The following SLC9A2 variants were observed in gnomAD, a reference collection of about 807,000 sequenced individuals.
The protein encoded by SLC9A2 is sodium/hydrogen exchanger 2.
SLC9A2 carries 42 observed loss-of-function variants against 71.7 expected under a neutral mutation model. The observed-to-expected ratio is 0.59, with a 90% CI of 0.46 to 0.76. The LOEUF is 0.76. Among genes scored for constraint, SLC9A2 ranks in the 30% least tolerant of loss-of-function variants. The pLI is 0.00. For missense variants in SLC9A2, 829 were observed against 1,017.4 expected (o/e 0.81, Z 2.52); for synonymous variants, 396 against 392.5 (o/e 1.01, Z -0.10).
chr2:102,655,508 A>G (rs1006305862), intron 1 of SLC9A2, among the ~76,000 whole-genome samples: 1 of 152,060 alleles, frequency 6.6e-6, no homozygotes, highest in Non-Finnish European at 1.5e-5. Context: ...TGATATTTAA[A>G]CTTTTTTGTT....
chr2:102,680,160 T>C (rs1190685300), intron 3 of SLC9A2, among the ~76,000 whole-genome samples: 2 of 151,814 alleles, frequency 1.3e-5, no homozygotes, highest in South Asian at 4.2e-4. Flanking sequence ...TTGGCAACAT[T>C]TTTTTTTCCA....
At position 102,708,520 on chromosome 2, in the gene SLC9A2, G is replaced by T; in HGVS notation, c.*31G>T. ...GCAGCGAAAGCAGATCTGAGTGTCT[G>T]ACCCAGGACAGCTGTGGTTTGTCAC... On this transcript the variant is annotated 3_prime_UTR_variant, in exon 12 of 12. Coordinates refer to ENST00000233969, the MANE Select transcript of SLC9A2 (RefSeq NM_003048.6). The T allele has an allele frequency of 1.3e-6, 2 of 1,592,146 alleles. No individual in the cohort carries two copies. Among genetic ancestry groups the T allele is most frequent in the South Asian group, 2.3e-5 (2 of 87,196 alleles).
At chr2:102,638,447 G>GGTTT (rs1676512316) in intron 1 of SLC9A2, among the ~76,000 whole-genome samples, 1 of 152,178 alleles carries the variant, frequency 6.6e-6, no homozygotes, top group African/African-American at 2.4e-5. Context: ...AAGGGAAAGG[G>GGTTT]GTTTATGCTT....
At chr2:102,625,300 C>T (rs537018363) in intron 1 of SLC9A2, among the ~76,000 whole-genome samples, 2 of 152,138 alleles carry the variant, frequency 1.3e-5, no homozygotes, top group East Asian at 1.9e-4. Flanking sequence ...TGTTTTTGTA[C>T]CCTTTAAAAT....
chr2:102,694,018 A>T lies in SLC9A2; in HGVS notation c.1426-396A>T, dbSNP rs114116328. Among the ~76,000 whole-genome samples the T allele has an allele frequency of 6.5e-3, 994 of 152,254 alleles. 9 individuals carry two copies. Among genetic ancestry groups the T allele is most frequent in the African/African-American group, 0.023 (960 of 41,554 alleles). ...GAGAGGGTGTTTCACTATGTTGCCC[A>T]GGCTGATCTTGAACTCCTGGCCCCA... is the stretch of plus-strand genomic sequence containing the variant. On this transcript the variant is annotated intron_variant, in intron 5 of 11. Transcript: ENST00000233969.
chr2:102,664,299 G>A (rs1677096517), intron 2 of SLC9A2, among the ~76,000 whole-genome samples: 1 of 151,518 alleles, frequency 6.6e-6, no homozygotes. Context: ...GAACAACAGA[G>A]CAGTCTCATT....
chr2:102,698,760 G>T (rs1418634722), intron 7 of SLC9A2, among the ~76,000 whole-genome samples: 2 of 152,222 alleles, frequency 1.3e-5, no homozygotes, highest in African/African-American at 4.8e-5. Context: ...GCAAGCCCAG[G>T]TTAAGCCACT....
intron 1 of SLC9A2, among the ~76,000 whole-genome samples, chr2:102,654,494 A>G (rs1171511363): frequency 6.6e-6 from 1 of 152,146 alleles, no homozygotes; most frequent in African/African-American, 2.4e-5. Context: ...TCACTTTATT[A>G]TTTAACAGTT....
intron 6 of SLC9A2, 76 bp downstream of exon 6, chr2:102,694,579 G>A (rs939825323): frequency 2.8e-5 from 18 of 649,644 alleles, no homozygotes; most frequent in African/African-American, 1.1e-4. Context: ...TTGGTACCAC[G>A]TTGTCCATTT....
At chr2:102,691,800 C>T (rs541576726) in intron 5 of SLC9A2, among the ~76,000 whole-genome samples, 16 of 152,132 alleles carry the variant, frequency 1.1e-4, no homozygotes, top group Admixed American at 2.6e-4. Flanking sequence ...TTTATGGTAG[C>T]GCATTCACTT....
chr2:102,634,451 T>C (rs192780421), intron 1 of SLC9A2, among the ~76,000 whole-genome samples: 1 of 152,308 alleles, frequency 6.6e-6, no homozygotes, highest in African/African-American at 2.4e-5. Flanking sequence ...TAGGTTGTTG[T>C]GAGGATAGAG....
intron 5 of SLC9A2, among the ~76,000 whole-genome samples, chr2:102,693,887 A>C (rs986574752): frequency 3.3e-5 from 5 of 152,244 alleles, no homozygotes; most frequent in Admixed American, 1.3e-4. Flanking sequence ...ATAAATGAAC[A>C]AATGAAGGAG....
At chr2:102,679,951 A>G (rs1304541949) in intron 3 of SLC9A2, among the ~76,000 whole-genome samples, 1 of 152,208 alleles carries the variant, frequency 6.6e-6, no homozygotes, top group Non-Finnish European at 1.5e-5. Flanking sequence ...TTTCCACTCT[A>G]TAGATGACAT....
intron 3 of SLC9A2, among the ~76,000 whole-genome samples, chr2:102,678,144 G>A (rs911625470): frequency 2.0e-5 from 3 of 152,094 alleles, no homozygotes; most frequent in African/African-American, 7.2e-5. Context: ...GTACAGTGTT[G>A]TGTTCCGATG....
chr2:102,695,986 C>A (rs977969864), intron 7 of SLC9A2, among the ~76,000 whole-genome samples: 1 of 151,452 alleles, frequency 6.6e-6, no homozygotes, highest in Non-Finnish European at 1.5e-5. Context: ...GTAGACCAGA[C>A]AGGCAGAATT....
At chr2:102,625,146 C>G (rs1332567492) in intron 1 of SLC9A2, among the ~76,000 whole-genome samples, 1 of 152,098 alleles carries the variant, frequency 6.6e-6, no homozygotes, top group Admixed American at 6.5e-5. Context: ...CTTTCCTTCT[C>G]AAAGCCTCCA....
chr2:102,687,649 A>G (rs755623734), intron 5 of SLC9A2, among the ~76,000 whole-genome samples: 15 of 152,236 alleles, frequency 9.9e-5, no homozygotes, highest in Non-Finnish European at 2.1e-4. Flanking sequence ...CACATGATGT[A>G]TGATGCATTA....
intron 5 of SLC9A2, among the ~76,000 whole-genome samples, chr2:102,688,765 A>C (rs1465547946): frequency 1.3e-5 from 2 of 152,192 alleles, no homozygotes; most frequent in Non-Finnish European, 2.9e-5. Flanking sequence ...GAAAACTTGT[A>C]ACGAAAGAAA....
rs1678063960 is a variant in SLC9A2 at position 102,709,572 on chromosome 2, A to G, written c.*1083A>G. 6.5e-6 allele frequency: 1 copy of G among 152,798 alleles called. No homozygotes were observed. The highest frequency in any genetic ancestry group is 6.5e-5 in the Admixed American group (1 of 15,284). 9.5% of individuals were successfully genotyped at this position (152,798 alleles called of 1,614,324 possible). On this transcript the variant is annotated 3_prime_UTR_variant, in exon 12 of 12. Transcript: ENST00000233969. ...GATGAGATATCAAGTTTTGAATATTATTCAGGAAGCACTTTGGAGAATGTG... is the reference window on the plus strand; with the variant it reads ...GATGAGATATCAAGTTTTGAATATTGTTCAGGAAGCACTTTGGAGAATGTG...
Sources: gnomAD v4.1 joint callset for allele counts (sites outside exome capture counted in the v4.1 genomes callset) on GRCh38, gnomAD v4.1.1 for gene constraint, MANE v1.5 for transcripts, NCBI Gene and HGNC (gene_info 2026-07-23, HGNC 2026-07-21) for gene names.